Variants in CNTN4 observed in about 807,000 individuals in gnomAD.
CNTN4 encodes the protein contactin-4.
In CNTN4, 77 loss-of-function variants were observed where a neutral mutation model predicts 122.5. The ratio of observed to expected loss-of-function variants is 0.63; its 90% CI spans 0.52 to 0.76. The LOEUF (loss-of-function observed/expected upper bound fraction) is 0.76. Among genes scored for constraint, CNTN4 ranks in the 30% least tolerant of loss-of-function variants. The probability of loss-of-function intolerance (pLI) is 0.00; values close to 1 mark genes in which losing one functional copy is unlikely to be tolerated. For synonymous variants in CNTN4, 512 were observed against 447.0 expected (o/e 1.15, Z -1.83); for missense variants, 1,256 against 1,259.1 (o/e 1.00, Z 0.04).
chr3:2,555,483 G>C (rs965959782), intron 3 of CNTN4, among the ~76,000 whole-genome samples: 3 of 152,172 alleles, frequency 2.0e-5, no homozygotes, highest in African/African-American at 7.2e-5. Flanking sequence ...AAAGACAAAG[G>C]TTAGAATATT....
chr3:2,271,748 T>C (rs2041307946), intron 2 of CNTN4, among the ~76,000 whole-genome samples: 2 of 152,128 alleles, frequency 1.3e-5, no homozygotes, highest in Admixed American at 1.3e-4. Context: ...ATGTATCTTA[T>C]TGGAGGCTAA....
chr3:2,571,691 A>G, intron 4 of CNTN4, 133 bp downstream of exon 4: 1 of 723,342 alleles, frequency 1.4e-6, no homozygotes, highest in South Asian at 1.5e-5. Flanking sequence ...GCATTTGCTG[A>G]CACTGTTGAA....
intron 2 of CNTN4, among the ~76,000 whole-genome samples, chr3:2,321,595 C>T (rs1445416418): frequency 6.6e-6 from 1 of 151,404 alleles, no homozygotes; most frequent in African/African-American, 2.4e-5. Context: ...ATTTTTTCTT[C>T]ATATCAGCTT....
At chr3:2,728,971 A>T (rs2088439549) in intron 4 of CNTN4, among the ~76,000 whole-genome samples, 1 of 152,196 alleles carries the variant, frequency 6.6e-6, no homozygotes, top group African/African-American at 2.4e-5. Flanking sequence ...CATTAGGATT[A>T]AGGGCTTAAA....
At chr3:2,305,458 G>A (rs567983374) in intron 2 of CNTN4, among the ~76,000 whole-genome samples, 51 of 152,006 alleles carry the variant, frequency 3.4e-4, no homozygotes, top group Non-Finnish European at 6.0e-4. Flanking sequence ...TCAACCTATT[G>A]CTGAATTTCT....
chr3:2,539,933 CAA>C (rs1025747925), intron 3 of CNTN4, among the ~76,000 whole-genome samples: 13 of 151,930 alleles, frequency 8.6e-5, no homozygotes, highest in Non-Finnish European at 1.8e-4. Flanking sequence ...GGAGGGAACT[CAA>C]GAGTTATTCC....
intron 4 of CNTN4, among the ~76,000 whole-genome samples, chr3:2,616,971 A>G (rs2081773930): frequency 6.6e-6 from 1 of 152,050 alleles, no homozygotes; most frequent in African/African-American, 2.4e-5. Context: ...CCCTCCTTAC[A>G]CCTTATACGA....
chr3:2,781,881 G>A (rs562731890), intron 6 of CNTN4, among the ~76,000 whole-genome samples: 16 of 58,228 alleles, frequency 2.7e-4, no homozygotes, highest in Admixed American at 7.8e-4. Flanking sequence ...CCCGCACCAC[G>A]CCCGGCTAAT....
At chr3:2,366,601 C>G (rs1347818654) in intron 3 of CNTN4, among the ~76,000 whole-genome samples, 1 of 151,982 alleles carries the variant, frequency 6.6e-6, no homozygotes, top group Non-Finnish European at 1.5e-5. Context: ...GTGGCGGGCG[C>G]CTGTAGTCCC....
intron 3 of CNTN4, among the ~76,000 whole-genome samples, chr3:2,524,661 A>G (rs898623573): frequency 2.0e-5 from 3 of 152,234 alleles, no homozygotes; most frequent in Admixed American, 6.6e-5. Context: ...TTTAGTCTCT[A>G]TAAAGTAAAT....
At chr3:2,941,795 TA>T (rs1431901738) in intron 13 of CNTN4, among the ~76,000 whole-genome samples, 1 of 152,204 alleles carries the variant, frequency 6.6e-6, no homozygotes. Flanking sequence ...GAACACAACC[TA>T]CAAGGTATGG....
chr3:2,995,265 T>A (rs1695431093), intron 14 of CNTN4, among the ~76,000 whole-genome samples: 1 of 152,206 alleles, frequency 6.6e-6, no homozygotes, highest in Admixed American at 6.5e-5. Flanking sequence ...TGACATAACC[T>A]GGAAATCTGA....
intron 3 of CNTN4, among the ~76,000 whole-genome samples, chr3:2,523,662 A>G (rs2149172154): frequency 6.6e-6 from 1 of 152,176 alleles, no homozygotes; most frequent in Non-Finnish European, 1.5e-5. Context: ...AGAGGTTTTC[A>G]GATCAGGACG....
At chr3:2,475,529 T>C (rs1051798041) in intron 3 of CNTN4, among the ~76,000 whole-genome samples, 7 of 152,144 alleles carry the variant, frequency 4.6e-5, no homozygotes, top group Non-Finnish European at 8.8e-5. Flanking sequence ...TTACAATATG[T>C]TTCATTTCAA....
At position 2,928,944 on chromosome 3, in the gene CNTN4, A is replaced by T. The variant is rs188150400; in HGVS notation, c.1358+3165A>T. Among the ~76,000 whole-genome samples the T allele has an allele frequency of 7.2e-5, 11 of 152,350 alleles. No individual in the cohort carries two copies. The East Asian group carries it at 2.1e-3, about 29-fold the overall frequency. Reference sequence around the variant, plus strand: ...TTAACATTAACATGTTCGTTATCTTAAAAATATGTTTAAAATATGTTATTG... The same window carrying T: ...TTAACATTAACATGTTCGTTATCTTTAAAATATGTTTAAAATATGTTATTG... On this transcript the variant is annotated intron_variant, in intron 13 of 24. Coordinates refer to ENST00000418658, the MANE Select transcript of CNTN4 (RefSeq NM_175607.3).
intron 13 of CNTN4, among the ~76,000 whole-genome samples, chr3:2,986,420 T>C (rs1238799622): frequency 6.6e-6 from 1 of 152,198 alleles, no homozygotes; most frequent in African/African-American, 2.4e-5. Context: ...CCCACAGCTC[T>C]GGAATGTGAA....
chr3:2,629,477 A>G (rs1467360300), intron 4 of CNTN4: 1 of 395,678 alleles, frequency 2.5e-6, no homozygotes, highest in East Asian at 7.9e-5. Flanking sequence ...TCTGAATTTG[A>G]TTTTCTATTT....
intron 14 of CNTN4, among the ~76,000 whole-genome samples, chr3:3,023,322 T>C (rs1698454091): frequency 6.6e-6 from 1 of 152,188 alleles, no homozygotes; most frequent in Non-Finnish European, 1.5e-5. Flanking sequence ...CGACAAGTGC[T>C]GAGTTAATGA....
chr3:2,887,496 T>C (rs978922578), intron 10 of CNTN4, among the ~76,000 whole-genome samples: 7 of 152,120 alleles, frequency 4.6e-5, no homozygotes, highest in Non-Finnish European at 8.8e-5. Flanking sequence ...AAGAAGTCTG[T>C]TTTTCCTCTT....
Sources: gnomAD v4.1 joint callset for allele counts (sites outside exome capture counted in the v4.1 genomes callset) on GRCh38, gnomAD v4.1.1 for gene constraint, MANE v1.5 for transcripts, NCBI Gene and HGNC (gene_info 2026-07-23, HGNC 2026-07-21) for gene names.